Variants in CDV3 observed in about 807,000 individuals in gnomAD.
CDV3 encodes the protein CDV3 homolog, also known as protein CDV3 homolog.
CDV3 carries 14 observed loss-of-function variants against 24.5 expected under a neutral mutation model. That is an observed-to-expected ratio of 0.57 (90% CI 0.38 to 0.89). CDV3 has a LOEUF of 0.89. Ranked by LOEUF, CDV3 falls within the 40% of genes least tolerant of loss-of-function variation. The pLI is 0.00. For missense variants in CDV3, 304 were observed against 310.2 expected, an observed-to-expected ratio of 0.98 and a Z score of 0.15; for synonymous variants, 114 against 114.1, an observed-to-expected ratio of 1.00 and a Z score of 0.00.
chr3:133,575,002 A>C (rs772121818), intron 1 of CDV3, 37 bp from the exon 2 acceptor site: 2 of 1,299,720 alleles, frequency 1.5e-6, no homozygotes, highest in South Asian at 2.4e-5. Context: ...TATGTCTACA[A>C]ATAGCTTTAA....
Position 133,589,875 on chromosome 3 carries a change from G to A in CDV3, c.*1829G>A, listed in dbSNP as rs1933946322. ...GATTAAATCAGAAATGGGATTCTTGGTAAACTGAAGACTTTTATTTGGGAA... is the reference window on the plus strand; with the variant it reads ...GATTAAATCAGAAATGGGATTCTTGATAAACTGAAGACTTTTATTTGGGAA... On this transcript the variant is annotated 3_prime_UTR_variant, in exon 5 of 5. Coordinates refer to ENST00000264993, the MANE Select transcript of CDV3 (RefSeq NM_017548.5). The A allele has an allele frequency of 6.6e-6, 1 of 152,130 alleles. No homozygotes were observed. The highest frequency in any genetic ancestry group is 2.4e-5 in the African/African-American group (1 of 41,438). 9.4% of individuals were successfully genotyped at this position (152,130 alleles called of 1,614,324 possible). A position where few individuals can be genotyped will look rare whatever the true frequency, so the allele number is the denominator to read the frequency against.
chr3:133,586,493 A>G (rs1465756100), intron 3 of CDV3, 70 bp from the exon 4 acceptor site: 4 of 767,316 alleles, frequency 5.2e-6, no homozygotes, highest in South Asian at 1.7e-5. Flanking sequence ...AATGATTGGG[A>G]ATGCAAGAAT....
At chr3:133,587,103 T>G (rs1933683154) in intron 4 of CDV3, 1 of 914,376 alleles carries the variant, frequency 1.1e-6, no homozygotes, top group Non-Finnish European at 1.6e-6. Context: ...TTAATGTGAC[T>G]ATAGACAGAA....
intron 2 of CDV3, among the ~76,000 whole-genome samples, chr3:133,577,963 T>G (rs1309973488): frequency 6.6e-6 from 1 of 152,146 alleles, no homozygotes; most frequent in Non-Finnish European, 1.5e-5. Flanking sequence ...TCCTTGGTTG[T>G]TTGTAGGCCC....
At position 133,586,730 on chromosome 3, in the gene CDV3, C is replaced by T. The variant is rs767595006; in HGVS notation, c.626+8C>T. ...GCATGTAGAAAGCCGGAAGTAAGTA[C>T]TATAATTAATTGCATTTTGTTTGGG... On this transcript the variant is annotated splice_region_variant and intron_variant, in intron 4 of 4. Coordinates refer to ENST00000264993, the MANE Select transcript of CDV3 (RefSeq NM_017548.5). 1 of 1,557,580 alleles carries T rather than the reference C, an allele frequency of 6.4e-7. No homozygotes were observed. The highest frequency in any genetic ancestry group is 8.9e-7 in the Non-Finnish European group (1 of 1,128,588).
In CDV3 at chr3:133,588,050, A is replaced by T; in HGVS notation, c.*4A>T. On this transcript the variant is annotated 3_prime_UTR_variant, in exon 5 of 5. Transcript: ENST00000264993. ...CAGCCACTCACAATACAATTAAGGA[A>T]TGGGCTTTGCTAACCCTTCTGAGGT... 1 of 1,611,876 alleles carries T rather than the reference A, an allele frequency of 6.2e-7. No individual in the cohort carries two copies. The highest frequency in any genetic ancestry group is 1.1e-5 in the South Asian group (1 of 90,788).
chr3:133,576,755 C>T (rs571301140), intron 2 of CDV3, among the ~76,000 whole-genome samples: 64 of 150,236 alleles, frequency 4.3e-4, no homozygotes, highest in Admixed American at 3.7e-3. Context: ...TCTTAAATAA[C>T]TTACATACTT....
At chr3:133,585,646 C>T (rs4854735) in intron 3 of CDV3, among the ~76,000 whole-genome samples, 31,620 of 151,854 alleles carry the variant, frequency 0.21, 4,357 homozygotes, top group African/African-American at 0.36. Flanking sequence ...AGGCGTGCAC[C>T]ACCATGCCCC....
intron 1 of CDV3, 117 bp from the exon 2 acceptor site, chr3:133,574,922 G>C: frequency 1.3e-6 from 1 of 764,722 alleles, no homozygotes; most frequent in South Asian, 1.8e-5. Flanking sequence ...TTGACCAGAA[G>C]ACAAGTACAT....
chr3:133,588,457 C>A lies in CDV3; in HGVS notation c.*411C>A, dbSNP rs1048841534. 3.0e-5 allele frequency: 37 copies of A among 1,246,528 alleles called. No individual in the cohort carries two copies. Among genetic ancestry groups the A allele is most frequent in the Admixed American group, 4.1e-5 (2 of 48,342 alleles). 77.2% of individuals were successfully genotyped at this position (1,246,528 alleles called of 1,614,324 possible). ...TAAGAAGATTACAACTATTAAGTGTCGATGTGAACCTTGCAACCAGCTCTA... is the reference window on the plus strand; with the variant it reads ...TAAGAAGATTACAACTATTAAGTGTAGATGTGAACCTTGCAACCAGCTCTA... On this transcript the variant is annotated 3_prime_UTR_variant, in exon 5 of 5. Transcript: ENST00000264993.
rs544977128 is a variant in CDV3, at chr3:133,577,258, C to T, written c.317+2143C>T. On this transcript the variant is annotated intron_variant, in intron 2 of 4. Transcript: ENST00000264993. ...CCTGCAACACTGAGAAACACTCCTT[C>T]CCATATGTTCTTCACTCAGATCCAC... 3.3e-5 allele frequency among the ~76,000 whole-genome samples: 5 copies of T among 152,216 alleles called. No individual in the cohort carries two copies. In the East Asian group the frequency reaches 9.6e-4, roughly 29 times the overall value.
intron 2 of CDV3, among the ~76,000 whole-genome samples, chr3:133,580,472 G>T (rs988146656): frequency 2.0e-5 from 3 of 152,230 alleles, no homozygotes; most frequent in Non-Finnish European, 4.4e-5. Context: ...GGAGGCTGAG[G>T]CAGGTGGATT....
intron 4 of CDV3, chr3:133,587,480 A>G (rs1933728073): frequency 8.9e-7 from 1 of 1,129,496 alleles, no homozygotes. Context: ...CCACTCCCAC[A>G]AAATCGATGT....
At chr3:133,577,609 C>T (rs139003996) in intron 2 of CDV3, among the ~76,000 whole-genome samples, 3 of 152,174 alleles carry the variant, frequency 2.0e-5, no homozygotes, top group Non-Finnish European at 4.4e-5. Flanking sequence ...ATCCACCCAC[C>T]TCGGCCTTCC....
chr3:133,587,321 A>G (rs1933713590), intron 4 of CDV3: 3 of 1,258,694 alleles, frequency 2.4e-6, no homozygotes, highest in Non-Finnish European at 3.0e-6. Context: ...AATAAATCCC[A>G]GCCTTTTCAC....
chr3:133,585,279 A>G (rs545802982), intron 3 of CDV3, among the ~76,000 whole-genome samples: 7 of 152,226 alleles, frequency 4.6e-5, no homozygotes, highest in South Asian at 4.2e-4. Context: ...GGTTCAAGCA[A>G]TCCTCCCACC....
intron 2 of CDV3, among the ~76,000 whole-genome samples, chr3:133,583,068 G>A (rs1933211048): frequency 6.6e-6 from 1 of 152,212 alleles, no homozygotes; most frequent in East Asian, 1.9e-4. Flanking sequence ...TTAGCATTGA[G>A]AAAATACTGC....
intron 2 of CDV3, among the ~76,000 whole-genome samples, chr3:133,577,416 A>G (rs550142724): frequency 6.6e-6 from 1 of 150,682 alleles, no homozygotes; most frequent in South Asian, 2.1e-4. Flanking sequence ...GCTGGAGTGC[A>G]ATGGTGCGAT....
intron 1 of CDV3, 77 bp from the exon 2 acceptor site, chr3:133,574,962 A>C (rs959297975): frequency 1.1e-6 from 1 of 940,130 alleles, no homozygotes; most frequent in Non-Finnish European, 1.7e-6. Flanking sequence ...CACTTGATCC[A>C]CTTTTCGTAG....
Sources: gnomAD v4.1 joint callset for allele counts (sites outside exome capture counted in the v4.1 genomes callset) on GRCh38, gnomAD v4.1.1 for gene constraint, MANE v1.5 for transcripts, NCBI Gene and HGNC (gene_info 2026-07-23, HGNC 2026-07-21) for gene names.